Variants in ADGRF5 observed in about 807,000 individuals in gnomAD.
ADGRF5 encodes the protein adhesion G protein-coupled receptor F5, also known as G-protein coupled receptor 116.
ADGRF5 carries 75 observed loss-of-function variants against 132.3 expected under a neutral mutation model. The ratio of observed to expected loss-of-function variants is 0.57; its 90% confidence interval spans 0.47 to 0.69. The LOEUF (loss-of-function observed/expected upper bound fraction) is 0.69. ADGRF5 is among the 30% of genes least tolerant of loss of function. ADGRF5 has a pLI of 0.00. For synonymous variants in ADGRF5, 629 were observed against 597.6 expected (o/e 1.05, Z -0.77); for missense variants, 1,516 against 1,630.6 (o/e 0.93, Z 1.21).
At chr6:46,891,974 T>C (rs922356086) in intron 3 of ADGRF5, among the ~76,000 whole-genome samples, 1 of 152,156 alleles carries the variant, frequency 6.6e-6, no homozygotes, top group Non-Finnish European at 1.5e-5. Flanking sequence ...TAGAAACTGA[T>C]ATGGATGGGG....
chr6:46,892,343 T>C (rs1773732613), intron 3 of ADGRF5, among the ~76,000 whole-genome samples: 1 of 152,190 alleles, frequency 6.6e-6, no homozygotes, highest in Middle Eastern at 3.2e-3. Flanking sequence ...TGATATACAA[T>C]TCCTAAAGTA....
chr6:46,884,572 G>A (rs973434874), intron 4 of ADGRF5, among the ~76,000 whole-genome samples: 4 of 152,164 alleles, frequency 2.6e-5, no homozygotes, highest in Non-Finnish European at 4.4e-5. Flanking sequence ...ATAAGTATAA[G>A]GTAGCTAGCC....
upstream of ADGRF5, among the ~76,000 whole-genome samples, chr6:46,925,486 G>A (rs1437842683): frequency 6.6e-6 from 1 of 152,242 alleles, no homozygotes; most frequent in Non-Finnish European, 1.5e-5. Flanking sequence ...GTCGAGTGCA[G>A]TGGCTCATGC....
intron 10 of ADGRF5, among the ~76,000 whole-genome samples, chr6:46,872,708 T>TAGGA (rs1771217189): frequency 6.6e-6 from 1 of 152,122 alleles, no homozygotes; most frequent in Non-Finnish European, 1.5e-5. Context: ...CCATCTTTCC[T>TAGGA]ATTGCCTCGG....
intron 1 of ADGRF5, among the ~76,000 whole-genome samples, chr6:46,945,830 G>A (rs1228352198): frequency 6.6e-6 from 1 of 152,238 alleles, no homozygotes; most frequent in African/African-American, 2.4e-5. Context: ...CACAATCATG[G>A]TGTAAGGTGA....
chr6:46,919,953 T>C (rs1245838267), intron 1 of ADGRF5, among the ~76,000 whole-genome samples: 1 of 152,196 alleles, frequency 6.6e-6, no homozygotes, highest in Non-Finnish European at 1.5e-5. Flanking sequence ...TCTCTTAACA[T>C]TGTTGGTGGG....
At chr6:46,906,588 T>G (rs114267112) in intron 2 of ADGRF5, 73 bp downstream of exon 2, 10,528 of 815,948 alleles carry the variant, frequency 0.013, 111 homozygotes, top group South Asian at 0.021. Context: ...AAACTTTTTG[T>G]AAGAACCATT....
rs1023184761 is a variant in ADGRF5 at position 46,916,690 on chromosome 6, T to A, written c.-25+5023A>T. ...GGGAATTTATTTGCCCAGAGCACTA[T>A]TCTTCCTAAATTGTGGCTAGATCAT... On this transcript the variant is annotated intron_variant, in intron 1 of 20. Coordinates refer to ENST00000283296, the MANE Select transcript of ADGRF5 (RefSeq NM_001098518.2). Among the ~76,000 whole-genome samples the A allele has an allele frequency of 2.0e-5, 3 of 152,238 alleles. 1 individual carries two copies. Among genetic ancestry groups the A allele is most frequent in the Admixed American group, 1.3e-4 (2 of 15,286 alleles).
intron 20 of ADGRF5, among the ~76,000 whole-genome samples, chr6:46,854,539 G>A (rs1768815946): frequency 6.6e-6 from 1 of 152,152 alleles, no homozygotes; most frequent in Non-Finnish European, 1.5e-5. Flanking sequence ...GAAAAAGCAG[G>A]ACCAGAAAAG....
rs1476569165 is a variant in ADGRF5 at position 46,900,087 on chromosome 6, A to T, written c.103-4T>A. 1.2e-6 allele frequency: 2 copies of T among 1,609,808 alleles called. No individual in the cohort carries two copies. The highest frequency in any genetic ancestry group is 3.3e-5 in the Admixed American group (2 of 60,022). ...CTGGTTCATGTTCATGAAGACTCTG[A>T]AAAGAACATTTGAGAAAGTTGTCAA... is the stretch of plus-strand genomic sequence containing the variant. On this transcript the variant is annotated splice_region_variant and splice_polypyrimidine_tract_variant and intron_variant, in intron 2 of 20. Transcript: ENST00000283296.
chr6:46,872,335 A>T (rs558135470), intron 10 of ADGRF5, among the ~76,000 whole-genome samples: 1 of 152,312 alleles, frequency 6.6e-6, no homozygotes, highest in South Asian at 2.1e-4. Context: ...TAAATGAGAT[A>T]ATATACATAA....
chr6:46,871,464 G>T (rs1771051047), intron 11 of ADGRF5, among the ~76,000 whole-genome samples: 1 of 152,068 alleles, frequency 6.6e-6, no homozygotes, highest in Admixed American at 6.6e-5. Flanking sequence ...TTCAAGAATG[G>T]GAGAATGAAG....
chr6:46,923,272 T>C (rs13203899), upstream of ADGRF5, among the ~76,000 whole-genome samples: 4,612 of 152,262 alleles, frequency 0.03, 107 homozygotes, highest in Non-Finnish European at 0.044. Flanking sequence ...ATAATAGTAC[T>C]GAGTTTATAG....
chr6:46,884,415 T>A (rs567455636), intron 4 of ADGRF5, 144 bp from the exon 5 acceptor site: 2 of 621,086 alleles, frequency 3.2e-6, no homozygotes, highest in African/African-American at 3.7e-5. Context: ...TAGCACTGCA[T>A]AAAATTGATA....
Position 46,862,937 on chromosome 6 carries a change from C to A in ADGRF5, c.2150G>T (p.Arg717Ile). Residue 717 changes from arginine to isoleucine, a missense_variant, in exon 15 of 21, where the codon AGA (arginine) becomes ATA (isoleucine). Arg to Ile is a moderately conservative substitution (Grantham distance 97). Coordinates refer to ENST00000283296, the MANE Select transcript of ADGRF5 (RefSeq NM_001098518.2). ...KCVGSQWEEK[R>I]NDCISAPINS... The stretch of plus-strand genomic sequence containing the variant: ...TATTGGGGCAGAGATGCAGTCATTT[C>A]TCTTCTCCTCCCACTGGGAGCCTAC... 6.2e-7 allele frequency: 1 copy of A among 1,613,116 alleles called. No homozygotes were observed. The highest frequency in any genetic ancestry group is 8.5e-7 in the Non-Finnish European group (1 of 1,179,660).
At chr6:46,888,070 T>A in intron 4 of ADGRF5, 2 of 302,120 alleles carry the variant, frequency 6.6e-6, no homozygotes, top group East Asian at 6.6e-5. Flanking sequence ...GACCTGGCCA[T>A]ATCTTGGGAT....
Position 46,921,466 on chromosome 6 carries a change from C to A in ADGRF5, c.-25+247G>T, listed in dbSNP as rs191784046. On this transcript the variant is annotated intron_variant, in intron 1 of 20. Coordinates refer to ENST00000283296, the MANE Select transcript of ADGRF5 (RefSeq NM_001098518.2). Reference sequence around the variant, plus strand: ...TGTTATTAAGAAAATCCTAAAGGATCCCAGCTAGTTGCTTGATACGCCATC... The same window carrying A: ...TGTTATTAAGAAAATCCTAAAGGATACCAGCTAGTTGCTTGATACGCCATC... Among the ~76,000 whole-genome samples the A allele has an allele frequency of 2.0e-5, 3 of 152,226 alleles. No homozygotes were observed. The East Asian group carries it at 5.8e-4, about 29-fold the overall frequency.
chr6:46,910,939 A>G (rs1428711761), intron 1 of ADGRF5, among the ~76,000 whole-genome samples: 1 of 152,192 alleles, frequency 6.6e-6, no homozygotes, highest in African/African-American at 2.4e-5. Flanking sequence ...CTATTTTAAG[A>G]GTCTAAAATT....
upstream of ADGRF5, among the ~76,000 whole-genome samples, chr6:46,925,339 C>T (rs1777194341): frequency 6.6e-6 from 1 of 152,218 alleles, no homozygotes; most frequent in Non-Finnish European, 1.5e-5. Context: ...CATTGACAGC[C>T]ATATCTTACA....
Sources: allele counts gnomAD v4.1 joint callset (sites outside exome capture counted in the v4.1 genomes callset), GRCh38; gene constraint gnomAD v4.1.1; transcripts MANE v1.5; gene names NCBI Gene and HGNC (gene_info 2026-07-23, HGNC 2026-07-21).